Variants in C10orf67 observed in about 807,000 individuals in gnomAD.
C10orf67 encodes the protein uncharacterized protein C10orf67, mitochondrial.
C10orf67 carries 60 observed loss-of-function variants against 35.6 expected under a neutral mutation model. That is an observed-to-expected ratio of 1.68 (90% CI 1.37 to 2.09). The LOEUF is 2.09. C10orf67 is among the 30% of genes most tolerant of loss of function. C10orf67 has a pLI of 0.00. For missense variants in C10orf67, 474 were observed against 330.2 expected (o/e 1.44, Z -3.38); for synonymous variants, 167 against 115.8 (o/e 1.44, Z -2.84).
chr10:23,328,902 T>C (rs1301060512), intron 2 of C10orf67, among the ~76,000 whole-genome samples: 2 of 148,864 alleles, frequency 1.3e-5, no homozygotes, highest in African/African-American at 2.5e-5. Context: ...GGAGGATCAC[T>C]TGAGCCCAGG....
chr10:23,264,221 A>T (rs1842828130), intron 10 of C10orf67, among the ~76,000 whole-genome samples: 1 of 152,200 alleles, frequency 6.6e-6, no homozygotes, highest in Non-Finnish European at 1.5e-5. Context: ...TAAAGAATAA[A>T]CCACAGTGGA....
chr10:23,222,397 T>C (rs924758607), intron 15 of C10orf67, among the ~76,000 whole-genome samples: 1 of 152,108 alleles, frequency 6.6e-6, no homozygotes, highest in African/African-American at 2.4e-5. Context: ...CATAAGTGAA[T>C]TCATATAGAA....
intron 12 of C10orf67, among the ~76,000 whole-genome samples, chr10:23,249,515 T>C (rs147156275): frequency 1.2e-3 from 185 of 152,358 alleles, no homozygotes; most frequent in Non-Finnish European, 2.4e-3. Context: ...AATGTTTTAC[T>C]ACAAGGTGTT....
In C10orf67 at chr10:23,238,725, T is replaced by A. The variant is rs1161290649; in HGVS notation, c.1434+1004A>T. 3.9e-5 allele frequency among the ~76,000 whole-genome samples: 6 copies of A among 152,172 alleles called. No homozygotes were observed. The East Asian group carries it at 9.6e-4, about 24-fold the overall frequency. On this transcript the variant is annotated intron_variant, in intron 13 of 15. Coordinates refer to ENST00000636213, the MANE Select transcript of C10orf67 (RefSeq NM_001371909.1). ...ACTGATTAAATTTCTAAAATGAGAA[T>A]TACTCCAACTAAAATTATAACCTGC...
At chr10:23,339,823 G>A (rs1262348543) in intron 1 of C10orf67, among the ~76,000 whole-genome samples, 1 of 152,146 alleles carries the variant, frequency 6.6e-6, no homozygotes, top group East Asian at 1.9e-4. Flanking sequence ...GTTGAAATTA[G>A]CAGTGAGGTT....
At chr10:23,325,771 A>G (rs959234755) in intron 2 of C10orf67, among the ~76,000 whole-genome samples, 1 of 152,146 alleles carries the variant, frequency 6.6e-6, no homozygotes, top group African/African-American at 2.4e-5. Context: ...AGAATTGCCA[A>G]AGATGTTAAA....
At chr10:23,213,828 A>C (rs1332546148) in intron 15 of C10orf67, among the ~76,000 whole-genome samples, 2 of 152,152 alleles carry the variant, frequency 1.3e-5, no homozygotes, top group East Asian at 3.8e-4. Flanking sequence ...ATACAAAGAT[A>C]AGGTAATAAA....
chr10:23,263,347 C>G (rs1314011286), intron 10 of C10orf67, among the ~76,000 whole-genome samples: 2 of 152,064 alleles, frequency 1.3e-5, no homozygotes, highest in African/African-American at 4.8e-5. Context: ...ACCATCTAGC[C>G]TATAATATTA....
In C10orf67 at chr10:23,266,329, C is replaced by G. The variant is rs1402774891; in HGVS notation, c.1133G>C (p.Ser378Thr). The G allele has an allele frequency of 2.5e-6, 1 of 398,508 alleles. No individual in the cohort carries two copies. The highest frequency in any genetic ancestry group is 4.4e-6 in the Non-Finnish European group (1 of 226,100). The allele number at this position is 398,508 out of a possible 1,614,324, so 24.7% of individuals were successfully genotyped here. A position where few individuals can be genotyped will look rare whatever the true frequency, so the allele number is the denominator to read the frequency against. Residue 378 changes from serine to threonine, a missense_variant, in exon 10 of 16, where the codon AGT becomes ACT. Physicochemically the swap from Ser to Thr is moderately conservative, Grantham distance 58. Coordinates refer to ENST00000636213, the MANE Select transcript of C10orf67 (RefSeq NM_001371909.1). ...TTTCTGGGCCCCAGCAGATGATACA[C>G]TCATGGTCGCAGAATGTGGCCTCAA... Reference protein sequence around the residue: ...TALRPHSATMSVSSAGAQKAK... With the variant: ...TALRPHSATMTVSSAGAQKAK...
chr10:23,213,108 T>A (rs1428725155), intron 15 of C10orf67, among the ~76,000 whole-genome samples: 2 of 150,834 alleles, frequency 1.3e-5, no homozygotes, highest in African/African-American at 4.9e-5. Flanking sequence ...AATAGAAGAG[T>A]CACTAAAATG....
intron 7 of C10orf67, among the ~76,000 whole-genome samples, chr10:23,289,374 G>C (rs1843645125): frequency 6.6e-6 from 1 of 152,086 alleles, no homozygotes; most frequent in East Asian, 1.9e-4. Context: ...ATGTTTTCCA[G>C]TCTGGCCTTG....
intron 10 of C10orf67, among the ~76,000 whole-genome samples, chr10:23,261,133 G>A (rs1211076848): frequency 2.6e-5 from 4 of 152,142 alleles, no homozygotes; most frequent in African/African-American, 9.7e-5. Flanking sequence ...GGTATTAGGT[G>A]TAGATAACTT....
intron 10 of C10orf67, among the ~76,000 whole-genome samples, chr10:23,264,798 C>A (rs778056214): frequency 4.6e-5 from 7 of 152,178 alleles, no homozygotes; most frequent in Non-Finnish European, 8.8e-5. Flanking sequence ...CAGTGGCTGA[C>A]CGGGCTCTGT....
At chr10:23,205,911 T>C (rs564503410) in intron 15 of C10orf67, among the ~76,000 whole-genome samples, 18 of 152,378 alleles carry the variant, frequency 1.2e-4, no homozygotes, top group African/African-American at 3.6e-4. Context: ...AAAAGACTAA[T>C]GACATTTCAC....
chr10:23,230,690 T>C (rs939241171), intron 13 of C10orf67, among the ~76,000 whole-genome samples: 8 of 152,024 alleles, frequency 5.3e-5, no homozygotes, highest in South Asian at 2.1e-4. Context: ...TCAATAAACA[T>C]TTAAAAAGAT....
intron 15 of C10orf67, among the ~76,000 whole-genome samples, chr10:23,211,703 A>C (rs1195563312): frequency 2.0e-5 from 3 of 152,364 alleles, no homozygotes; most frequent in African/African-American, 7.2e-5. Flanking sequence ...TTCTTAAAAT[A>C]GATAAAATAA....
intron 2 of C10orf67, among the ~76,000 whole-genome samples, chr10:23,330,241 C>A (rs542574747): frequency 5.1e-4 from 78 of 151,606 alleles, no homozygotes; most frequent in Middle Eastern, 3.4e-3. Context: ...GAGGATCACT[C>A]GAGGCCAGGG....
intron 10 of C10orf67, 134 bp downstream of exon 10, chr10:23,266,128 G>T (rs1842876685): frequency 2.6e-6 from 1 of 387,254 alleles, no homozygotes. Flanking sequence ...TTAGAAATAG[G>T]CAGCTGGAGC....
At chr10:23,298,554 G>A (rs1041943462) in intron 5 of C10orf67, among the ~76,000 whole-genome samples, 6 of 152,152 alleles carry the variant, frequency 3.9e-5, no homozygotes, top group African/African-American at 1.4e-4. Flanking sequence ...TGTATATAAT[G>A]GTCTGGCTAT....
Sources: allele counts gnomAD v4.1 joint callset (sites outside exome capture counted in the v4.1 genomes callset), GRCh38; gene constraint gnomAD v4.1.1; transcripts MANE v1.5; gene names NCBI Gene and HGNC (gene_info 2026-07-23, HGNC 2026-07-21).